MMS19: variants seen among roughly 807,000 people sequenced by gnomAD.
The protein encoded by MMS19 is MMS19 nucleotide excision repair protein homolog.
MMS19 carries 77 observed loss-of-function variants against 129.8 expected under a neutral mutation model. The observed-to-expected ratio is 0.59, with a 90% CI of 0.49 to 0.72. MMS19 has a LOEUF of 0.72. Ranked by LOEUF, MMS19 falls within the 30% of genes least tolerant of loss-of-function variation. The pLI is 0.00. For synonymous variants in MMS19, 491 were observed against 502.8 expected (o/e 0.98, Z 0.31); for missense variants, 1,168 against 1,266.3 (o/e 0.92, Z 1.18).
chr10:97,458,523 A>G lies in MMS19; in HGVS notation c.*169T>C. ...CTTATTTTACAAATCCACTAGAAAT[A>G]TGGACTCTTATGTTCTTTGTACAGC... On this transcript the variant is annotated 3_prime_UTR_variant, in exon 31 of 31. Transcript: ENST00000438925. 3.1e-6 allele frequency: 2 copies of G among 639,804 alleles called. No individual in the cohort carries two copies. The highest frequency in any genetic ancestry group is 2.8e-5 in the East Asian group (1 of 36,230). The allele number at this position is 639,804 out of a possible 1,614,324, so 39.6% of individuals were successfully genotyped here.
chr10:97,473,509 T>C (rs528170541), intron 8 of MMS19, among the ~76,000 whole-genome samples: 201 of 151,220 alleles, frequency 1.3e-3, no homozygotes, highest in Non-Finnish European at 2.4e-3. Context: ...ATGAGGAATA[T>C]GTGAACTCAG....
rs762791828 is a variant in MMS19 at position 97,477,344 on chromosome 10, T to C, written c.493+3A>G. 6.2e-7 allele frequency: 1 copy of C among 1,613,862 alleles called. No individual in the cohort carries two copies. The highest frequency in any genetic ancestry group is 1.3e-5 in the African/African-American group (1 of 74,914). On this transcript the variant is annotated splice_donor_region_variant and intron_variant, in intron 6 of 30. Coordinates refer to ENST00000438925, the MANE Select transcript of MMS19 (RefSeq NM_022362.5). ...ACATTTCCCAGAAAGCTCTGTCTCTTACCTTCTTCCCGGGTTCGCATAAAA... is the reference window on the plus strand; with the variant it reads ...ACATTTCCCAGAAAGCTCTGTCTCTCACCTTCTTCCCGGGTTCGCATAAAA...
chr10:97,483,987 G>A, intron 2 of MMS19, 116 bp downstream of exon 2: 1 of 670,664 alleles, frequency 1.5e-6, no homozygotes, highest in Non-Finnish European at 2.6e-6. Context: ...ATATGGAAGG[G>A]GGCTGCTGGG....
At chr10:97,487,758 A>G (rs1178455418) in intron 1 of MMS19, among the ~76,000 whole-genome samples, 1 of 152,258 alleles carries the variant, frequency 6.6e-6, no homozygotes, top group Non-Finnish European at 1.5e-5. Context: ...TTATAACAAA[A>G]GGCCAGTTTC....
rs148003793 is a variant in MMS19, at chr10:97,476,921, T to C, written c.536A>G (p.Gln179Arg). The C allele has an allele frequency of 6.8e-6, 11 of 1,613,806 alleles. No homozygotes were observed. Among genetic ancestry groups the C allele is most frequent in the Non-Finnish European group, 9.3e-6 (11 of 1,179,848 alleles). ...LGADFTFGFI[Q>R]VMDGEKDPRN... ...GGGATCCTTTTCCCCATCCATCACC[T>C]GGATGAAGCCAAAGGTGAAGTCAGC... The change falls in exon 7 of 31, where the codon CAG becomes CGG. Residue 179 changes from glutamine (Q) to arginine (R), a missense_variant. By Grantham distance (43) the Gln-to-Arg change is conservative (BLOSUM62 1). Transcript: ENST00000438925.
Position 97,463,971 on chromosome 10 carries a change from TGACA to T in MMS19, c.1795_1798del (p.Cys599ArgfsTer45). 1 of 1,613,106 alleles carries T rather than the reference TGACA, an allele frequency of 6.2e-7. No homozygotes were observed. Among genetic ancestry groups the T allele is most frequent in the Non-Finnish European group, 8.5e-7 (1 of 1,179,422 alleles). ...TTTTTCTGCCATCTGTCTGAGGCTC[TGACA>T]GACAGCAATAACGTCACTGGATTGT... On this transcript the variant is annotated frameshift_variant, in exon 19 of 31. Transcript: ENST00000438925. LOFTEE classifies it high-confidence loss of function.
intron 3 of MMS19, chr10:97,480,190 C>T (rs1246839450): frequency 2.5e-5 from 11 of 439,968 alleles, no homozygotes; most frequent in Non-Finnish European, 3.2e-5. Context: ...ACCAATCCCC[C>T]GAGCCCTATG....
chr10:97,492,069 C>T (rs910451660), intron 1 of MMS19, among the ~76,000 whole-genome samples: 1 of 145,920 alleles, frequency 6.9e-6, no homozygotes, highest in African/African-American at 2.6e-5. Context: ...ACCTGGGAGG[C>T]AGAGTTTGCA....
At chr10:97,482,735 T>TACACAC (rs1442208641) in intron 2 of MMS19, among the ~76,000 whole-genome samples, 62 of 137,860 alleles carry the variant, frequency 4.5e-4, no homozygotes, top group Admixed American at 2.8e-3. Context: ...TGTGTATATA[T>TACACAC]ATACACACAC....
At chr10:97,465,640 C>A (rs1178568604) in intron 18 of MMS19, among the ~76,000 whole-genome samples, 165 bp downstream of exon 18, 1 of 152,278 alleles carries the variant, frequency 6.6e-6, no homozygotes, top group Admixed American at 6.5e-5. Context: ...AAGTCCCATC[C>A]CTCCTCAGAG....
Position 97,469,037 on chromosome 10 carries a change from C to T in MMS19, c.992G>A (p.Cys331Tyr), listed in dbSNP as rs1343867713. 1 of 1,585,904 alleles carries T rather than the reference C, an allele frequency of 6.3e-7. No homozygotes were observed. Among genetic ancestry groups the T allele is most frequent in the Non-Finnish European group, 8.6e-7 (1 of 1,166,544 alleles). ...GLAALHSLTA[C>Y]LSRSVLRADA... ...AGCCCTCAGCACAGAGCGAGACAAACACGCAGTCAGGGAGTGGAGGGCCGC... is the reference window on the plus strand; with the variant it reads ...AGCCCTCAGCACAGAGCGAGACAAATACGCAGTCAGGGAGTGGAGGGCCGC... Residue 331 changes from cysteine to tyrosine, a missense_variant, in exon 12 of 31, where the codon TGT becomes TAT. Coordinates refer to ENST00000438925, the MANE Select transcript of MMS19 (RefSeq NM_022362.5).
At chr10:97,476,991 A>G in intron 6 of MMS19, 28 bp from the exon 7 acceptor site, 1 of 1,613,408 alleles carries the variant, frequency 6.2e-7, no homozygotes, top group East Asian at 2.2e-5. Context: ...AGGTTACTAT[A>G]CTGTCCCACA....
intron 1 of MMS19, among the ~76,000 whole-genome samples, chr10:97,486,168 C>A (rs2037809984): frequency 6.6e-6 from 1 of 152,122 alleles, no homozygotes; most frequent in African/African-American, 2.4e-5. Context: ...AGAAATCTTA[C>A]CACTTGGTGT....
intron 1 of MMS19, among the ~76,000 whole-genome samples, chr10:97,485,646 C>T (rs1320471291): frequency 6.6e-6 from 1 of 152,092 alleles, no homozygotes; most frequent in Non-Finnish European, 1.5e-5. Flanking sequence ...TAGGGCTTTA[C>T]AATGTTGGCC....
rs568941133 is a variant in MMS19 at position 97,469,715 on chromosome 10, G to A, written c.855C>T (p.Cys285=). The A allele has an allele frequency of 1.2e-6, 2 of 1,613,836 alleles. No individual in the cohort carries two copies. Among genetic ancestry groups the A allele is most frequent in the South Asian group, 2.2e-5 (2 of 91,082 alleles). ...GTTCCTTCTGTCCATACACAGCACAGCAAGCATTCTGCCAAGGAAACCGCT... is the reference window on the plus strand; with the variant it reads ...GTTCCTTCTGTCCATACACAGCACAACAAGCATTCTGCCAAGGAAACCGCT... ...KLDSLQTLNA[C]CAVYGQKELK... The change falls in exon 11 of 31, where the codon TGC becomes TGT. Residue 285 remains cysteine (C), a synonymous_variant. Coordinates refer to ENST00000438925, the MANE Select transcript of MMS19 (RefSeq NM_022362.5).
intron 25 of MMS19, 31 bp from the exon 26 acceptor site, chr10:97,460,263 A>G (rs1303212366): frequency 6.3e-7 from 1 of 1,590,064 alleles, no homozygotes. Flanking sequence ...GAGGTACATC[A>G]GGGAAGAAGA....
chr10:97,462,119 C>A lies in MMS19; in HGVS notation c.2013G>T (p.Glu671Asp), dbSNP rs921364723. 4 of 1,570,604 alleles carry A rather than the reference C, an allele frequency of 2.5e-6. No homozygotes were observed. In the African/African-American group the frequency reaches 5.4e-5, roughly 21 times the overall value. Reference sequence around the variant, plus strand: ...TGTGTGTCACACTCTGGGCAGCTAACCTGGGGGCAGAGTACTAGGTATGAC... The same window carrying A: ...TGTGTGTCACACTCTGGGCAGCTAAACTGGGGGCAGAGTACTAGGTATGAC... ...IGTATTHLSP[E>D]LAAQSVTHIV... The change falls in exon 21 of 31, where the codon GAG (glutamate) becomes GAT (aspartate). Residue 671 changes from glutamate to aspartate, a missense_variant and splice_region_variant. By Grantham distance (45) the Glu-to-Asp change is conservative (BLOSUM62 2). Coordinates refer to ENST00000438925, the MANE Select transcript of MMS19 (RefSeq NM_022362.5).
chr10:97,480,834 C>T, intron 3 of MMS19, 108 bp downstream of exon 3: 1 of 741,018 alleles, frequency 1.3e-6, no homozygotes, highest in Non-Finnish European at 2.4e-6. Flanking sequence ...ATTAGTAGTT[C>T]ATAGATACTT....
chr10:97,471,340 T>C (rs1225078364), intron 8 of MMS19, among the ~76,000 whole-genome samples: 1 of 152,152 alleles, frequency 6.6e-6, no homozygotes, highest in Non-Finnish European at 1.5e-5. Context: ...GATAATTCCT[T>C]GTTGATGGAC....
Sources: allele counts gnomAD v4.1 joint callset (sites outside exome capture counted in the v4.1 genomes callset), GRCh38; gene constraint gnomAD v4.1.1; transcripts MANE v1.5; gene names NCBI Gene and HGNC (gene_info 2026-07-23, HGNC 2026-07-21).